The following DDX10 variants were observed in gnomAD, a reference collection of about 807,000 sequenced individuals.
DDX10 encodes probable ATP-dependent RNA helicase DDX10.
DDX10 carries 74 observed loss-of-function variants against 104.3 expected under a neutral mutation model. That is an observed-to-expected ratio of 0.71 (90% CI 0.59 to 0.86). The LOEUF is 0.86. DDX10 is among the 40% of genes least tolerant of loss of function. DDX10 has a pLI of 0.00. For missense variants in DDX10, 952 were observed against 1,040.0 expected (o/e 0.92, Z 1.16); for synonymous variants, 351 against 353.4 (o/e 0.99, Z 0.08).
At chr11:108,756,648 T>C (rs2094344756) in intron 13 of DDX10, among the ~76,000 whole-genome samples, 1 of 152,086 alleles carries the variant, frequency 6.6e-6, no homozygotes, top group Non-Finnish European at 1.5e-5. Context: ...GAAAGTGTGC[T>C]AGAGCTGTGT....
At chr11:108,695,550 C>T (rs1202126166) in intron 9 of DDX10, among the ~76,000 whole-genome samples, 1 of 152,158 alleles carries the variant, frequency 6.6e-6, no homozygotes, top group African/African-American at 2.4e-5. Flanking sequence ...CCTAGGAAGT[C>T]CCCTTGGCGT....
At chr11:108,899,766 G>A (rs145507736) in intron 16 of DDX10, among the ~76,000 whole-genome samples, 11 of 152,238 alleles carry the variant, frequency 7.2e-5, no homozygotes, top group African/African-American at 2.6e-4. Flanking sequence ...CTCATGGCTT[G>A]GTGCTGTCCT....
intron 13 of DDX10, among the ~76,000 whole-genome samples, chr11:108,739,929 TTTG>T (rs1207634999): frequency 3.9e-5 from 6 of 152,016 alleles, no homozygotes; most frequent in South Asian, 2.1e-4. Flanking sequence ...ATTTTAGGGT[TTTG>T]TTGTTGTTGT....
intron 13 of DDX10, among the ~76,000 whole-genome samples, chr11:108,836,995 TA>T (rs1204870637): frequency 6.6e-6 from 1 of 152,176 alleles, no homozygotes; most frequent in Non-Finnish European, 1.5e-5. Context: ...GGTACAGAGT[TA>T]AAAATCAATC....
chr11:108,934,717 TAACTC>T (rs1245374417), intron 17 of DDX10, among the ~76,000 whole-genome samples: 2 of 152,246 alleles, frequency 1.3e-5, no homozygotes, highest in African/African-American at 4.8e-5. Flanking sequence ...GACAGGGCGT[TAACTC>T]AGCAGAAGTT....
chr11:108,794,972 C>T (rs1039470480), intron 13 of DDX10, among the ~76,000 whole-genome samples: 1 of 152,006 alleles, frequency 6.6e-6, no homozygotes, highest in African/African-American at 2.4e-5. Context: ...GGATTACAGG[C>T]ATGTGCCACT....
intron 9 of DDX10, among the ~76,000 whole-genome samples, chr11:108,705,083 T>C (rs1244095153): frequency 1.6e-4 from 24 of 152,240 alleles, no homozygotes; most frequent in Admixed American, 1.6e-3. Context: ...AATCTCTGTA[T>C]GCAGAGACAT....
chr11:108,901,166 C>A (rs996692893), intron 16 of DDX10, among the ~76,000 whole-genome samples: 1 of 152,184 alleles, frequency 6.6e-6, no homozygotes, highest in Non-Finnish European at 1.5e-5. Flanking sequence ...ATACATGCCC[C>A]TGTGTTATTG....
chr11:108,797,003 G>GTTGTTGTTGTTGTTCTTT (rs1861950665), intron 13 of DDX10, among the ~76,000 whole-genome samples: 1 of 151,730 alleles, frequency 6.6e-6, no homozygotes, highest in Non-Finnish European at 1.5e-5. Flanking sequence ...ATAAACTTCT[G>GTTGTTGTTGTTGTTCTTT]TTGTTGTTGT....
intron 13 of DDX10, among the ~76,000 whole-genome samples, chr11:108,751,445 T>C (rs1167226840): frequency 6.6e-6 from 1 of 152,198 alleles, no homozygotes; most frequent in African/African-American, 2.4e-5. Context: ...ATTCAGTTCC[T>C]TCCATAACAA....
chr11:108,672,887 C>T (rs545669403), intron 1 of DDX10, among the ~76,000 whole-genome samples: 1 of 152,352 alleles, frequency 6.6e-6, no homozygotes, highest in East Asian at 1.9e-4. Flanking sequence ...CAAAGCATGA[C>T]AGACATTTCC....
intron 13 of DDX10, among the ~76,000 whole-genome samples, chr11:108,741,115 G>T (rs2094324693): frequency 6.6e-6 from 1 of 152,016 alleles, no homozygotes; most frequent in Non-Finnish European, 1.5e-5. Flanking sequence ...GATGGTTGTA[G>T]GTGTGTGGCC....
In DDX10 at chr11:108,826,928, A is replaced by T. The variant is rs576245633; in HGVS notation, c.1966-11518A>T. Among the ~76,000 whole-genome samples the T allele has an allele frequency of 4.6e-5, 7 of 152,368 alleles. 1 individual carries two copies. The South Asian group carries it at 1.4e-3, about 32-fold the overall frequency. On this transcript the variant is annotated intron_variant, in intron 13 of 17. Coordinates refer to ENST00000322536, the MANE Select transcript of DDX10 (RefSeq NM_004398.4). ...ATTAGCAATTCTCAAACATTCTTAA[A>T]TTAATAGAAATTCGAAAGGCAAATA... is the stretch of plus-strand genomic sequence containing the variant.
At chr11:108,762,726 A>G (rs796629086) in intron 13 of DDX10, among the ~76,000 whole-genome samples, 3 of 152,120 alleles carry the variant, frequency 2.0e-5, no homozygotes, top group African/African-American at 4.8e-5. Context: ...CATGGTCTCA[A>G]AGTTTTTTCA....
chr11:108,748,936 T>C (rs893151650), intron 13 of DDX10, among the ~76,000 whole-genome samples: 6 of 152,066 alleles, frequency 3.9e-5, no homozygotes, highest in Non-Finnish European at 2.9e-5. Flanking sequence ...AGTGCCAAGA[T>C]TACAGGCATG....
At chr11:108,885,251 T>G (rs1863280800) in intron 16 of DDX10, among the ~76,000 whole-genome samples, 1 of 152,146 alleles carries the variant, frequency 6.6e-6, no homozygotes. Flanking sequence ...ATCTTGTCAT[T>G]CTCCTGGTAC....
At chr11:108,780,440 G>T (rs1462305212) in intron 13 of DDX10, among the ~76,000 whole-genome samples, 1 of 152,020 alleles carries the variant, frequency 6.6e-6, no homozygotes, top group Non-Finnish European at 1.5e-5. Flanking sequence ...TCTTCTCTGT[G>T]CTTCCCTATA....
chr11:108,803,086 G>A (rs1862046202), intron 13 of DDX10, among the ~76,000 whole-genome samples: 1 of 152,116 alleles, frequency 6.6e-6, no homozygotes, highest in Non-Finnish European at 1.5e-5. Flanking sequence ...AGCAGCTTTT[G>A]TTTTGCTTTT....
At position 108,779,273 on chromosome 11, in the gene DDX10, A is replaced by G. The variant is rs7940842; in HGVS notation, c.1965+55811A>G. On this transcript the variant is annotated intron_variant, in intron 13 of 17. Transcript: ENST00000322536. ...TGCAGCACTATTCACAATAGCAAAG[A>G]CTTGGACCCAACCCAAATGTCTATC... Among the ~76,000 whole-genome samples the G allele has an allele frequency of 8.6e-3, 1,303 of 152,302 alleles. 24 individuals carry two copies. Among genetic ancestry groups the G allele is most frequent in the African/African-American group, 0.03 (1,233 of 41,558 alleles).
Sources: allele counts gnomAD v4.1 joint callset (sites outside exome capture counted in the v4.1 genomes callset), GRCh38; gene constraint gnomAD v4.1.1; transcripts MANE v1.5; gene names NCBI Gene and HGNC (gene_info 2026-07-23, HGNC 2026-07-21).